Variants in ATAD1 observed in about 807,000 individuals in gnomAD.
ATAD1 encodes the protein ATPase family AAA domain containing 1.
A neutral mutation model predicts 42.7 loss-of-function variants in ATAD1; 18 were observed. That is an observed-to-expected ratio of 0.42 (90% confidence interval 0.29 to 0.63). ATAD1 has a LOEUF of 0.63. Ranked by LOEUF, ATAD1 falls within the 20% of genes least tolerant of loss-of-function variation. ATAD1 has a pLI of 0.19. For synonymous variants in ATAD1, 132 were observed against 143.1 expected (o/e 0.92, Z 0.55); for missense variants, 294 against 440.4 (o/e 0.67, Z 2.98).
chr10:87,829,234 A>ATTTATTATTTATTTATTTAT (rs33913276), intron 1 of ATAD1, among the ~76,000 whole-genome samples: 1 of 142,928 alleles, frequency 7.0e-6, no homozygotes, highest in African/African-American at 2.6e-5. Context: ...TATTTTATTT[A>ATTTATTATTTATTTATTTAT]TTATTTATTT....
chr10:87,810,325 T>C (rs540430706), intron 2 of ATAD1, among the ~76,000 whole-genome samples: 1 of 152,094 alleles, frequency 6.6e-6, no homozygotes, highest in African/African-American at 2.4e-5. Flanking sequence ...TCACAAATCA[T>C]ATGTGCTTCA....
At chr10:87,781,146 T>C (rs769445591) in intron 5 of ATAD1, among the ~76,000 whole-genome samples, 4 of 152,050 alleles carry the variant, frequency 2.6e-5, no homozygotes, top group African/African-American at 9.7e-5. Context: ...CCTAAAGCCA[T>C]CTAATGTTAC....
At chr10:87,759,328 A>G (rs1854375156) in intron 8 of ATAD1, among the ~76,000 whole-genome samples, 1 of 152,132 alleles carries the variant, frequency 6.6e-6, no homozygotes, top group Admixed American at 6.6e-5. Context: ...GGAAGTGGCC[A>G]GTGGTTGCTT....
At chr10:87,784,143 T>C (rs1052248809) in intron 5 of ATAD1, among the ~76,000 whole-genome samples, 1 of 152,080 alleles carries the variant, frequency 6.6e-6, no homozygotes, top group African/African-American at 2.4e-5. Flanking sequence ...CCTAGTGAGG[T>C]TGAAGATAGA....
intron 4 of ATAD1, 94 bp from the exon 5 acceptor site, chr10:87,784,764 T>C (rs989243349): frequency 3.5e-6 from 4 of 1,150,926 alleles, no homozygotes; most frequent in East Asian, 5.2e-5. Context: ...CACAAAAAAC[T>C]TTCCCAATAT....
At chr10:87,840,522 T>C (rs898627294) in intron 1 of ATAD1, among the ~76,000 whole-genome samples, 8 of 152,142 alleles carry the variant, frequency 5.3e-5, no homozygotes, top group African/African-American at 1.9e-4. Context: ...TCATCAGAAC[T>C]TGTTTGAAAG....
chr10:87,803,780 A>G (rs1015516394), intron 2 of ATAD1, among the ~76,000 whole-genome samples: 1 of 152,232 alleles, frequency 6.6e-6, no homozygotes, highest in South Asian at 2.1e-4. Context: ...TGTCTCAGAT[A>G]TTTGCGGTTC....
At chr10:87,791,854 TA>T (rs1856135851) in intron 3 of ATAD1, among the ~76,000 whole-genome samples, 1 of 152,228 alleles carries the variant, frequency 6.6e-6, no homozygotes, top group Non-Finnish European at 1.5e-5. Flanking sequence ...TTATTATCTC[TA>T]GATTATACAT....
intron 5 of ATAD1, among the ~76,000 whole-genome samples, chr10:87,778,064 T>C (rs1374497073): frequency 1.3e-5 from 2 of 151,484 alleles, no homozygotes; most frequent in Non-Finnish European, 2.9e-5. Context: ...TTTGGCAAGA[T>C]GGTTACTTAA....
intron 4 of ATAD1, among the ~76,000 whole-genome samples, chr10:87,786,363 T>TA (rs146403256): frequency 0.026 from 4,013 of 152,316 alleles, 166 homozygotes; most frequent in African/African-American, 0.09. Context: ...TCAGAGATTT[T>TA]AGAGTGTTGT....
intron 2 of ATAD1, among the ~76,000 whole-genome samples, chr10:87,795,559 G>A (rs1856346073): frequency 6.6e-6 from 1 of 151,126 alleles, no homozygotes; most frequent in Admixed American, 6.6e-5. Flanking sequence ...GCCAAAAGAA[G>A]GAGGAAAACT....
At chr10:87,792,022 C>T (rs892312462) in intron 3 of ATAD1, among the ~76,000 whole-genome samples, 1 of 152,164 alleles carries the variant, frequency 6.6e-6, no homozygotes, top group Non-Finnish European at 1.5e-5. Flanking sequence ...GCTTTATACA[C>T]CACAAAGGCA....
chr10:87,836,991 T>G (rs1287180285), intron 1 of ATAD1, among the ~76,000 whole-genome samples: 1 of 152,218 alleles, frequency 6.6e-6, no homozygotes, highest in Admixed American at 6.5e-5. Flanking sequence ...TTTATTTTTG[T>G]TATTATATTT....
intron 1 of ATAD1, 102 bp from the exon 2 acceptor site, chr10:87,814,714 G>A (rs766000240): frequency 4.4e-5 from 40 of 904,696 alleles, no homozygotes; most frequent in Non-Finnish European, 4.5e-5. Context: ...CTAACTTCTA[G>A]TCAAATTAAA....
chr10:87,783,382 A>C (rs918114379), intron 5 of ATAD1, among the ~76,000 whole-genome samples: 4 of 150,746 alleles, frequency 2.7e-5, no homozygotes, highest in Non-Finnish European at 5.9e-5. Flanking sequence ...AAAAAAAAAC[A>C]AAAACAAAAT....
chr10:87,781,973 C>T (rs1406085635), intron 5 of ATAD1, among the ~76,000 whole-genome samples: 7 of 151,406 alleles, frequency 4.6e-5, no homozygotes, highest in African/African-American at 1.7e-4. Flanking sequence ...TTAATGGGAA[C>T]ATTGCAACAT....
rs558842123 is a variant in ATAD1 at position 87,815,315 on chromosome 10, A to G, written c.-13-703T>C. On this transcript the variant is annotated intron_variant, in intron 1 of 9. Coordinates refer to ENST00000680024, the MANE Select transcript of ATAD1 (RefSeq NM_001321967.2). Reference sequence around the variant, plus strand: ...GAGATAAATGTGCCTATTTTTGCATATATCCCTGAACAGCTACATCAATCA... The same window carrying G: ...GAGATAAATGTGCCTATTTTTGCATGTATCCCTGAACAGCTACATCAATCA... Among the ~76,000 whole-genome samples, 3 of 152,178 alleles carry G rather than the reference A, an allele frequency of 2.0e-5. No homozygotes were observed. The South Asian group carries it at 6.2e-4, about 32-fold the overall frequency.
At chr10:87,800,455 T>C (rs1178887646) in intron 2 of ATAD1, among the ~76,000 whole-genome samples, 2 of 152,154 alleles carry the variant, frequency 1.3e-5, no homozygotes, top group Admixed American at 1.3e-4. Context: ...TTCATGAATA[T>C]CCAAAGGAAA....
rs1438622932 is a variant in ATAD1 at position 87,751,692 on chromosome 10, C to T, written c.*2995G>A. The T allele has an allele frequency of 6.6e-6, 1 of 152,106 alleles. No individual in the cohort carries two copies. Among genetic ancestry groups the T allele is most frequent in the Non-Finnish European group, 1.5e-5 (1 of 68,018 alleles). 9.4% of individuals were successfully genotyped at this position (152,106 alleles called of 1,614,324 possible). ...TCTATAACAAATTTAATAATGAAGG[C>T]TCTGAAAGATTTCTGTCAGCTCTAG... On this transcript the variant is annotated 3_prime_UTR_variant, in exon 10 of 10. Transcript: ENST00000680024.
Sources: gnomAD v4.1 joint callset for allele counts (sites outside exome capture counted in the v4.1 genomes callset) on GRCh38, gnomAD v4.1.1 for gene constraint, MANE v1.5 for transcripts, NCBI Gene and HGNC (gene_info 2026-07-23, HGNC 2026-07-21) for gene names.